Variants in PSMD14 observed in about 807,000 individuals in gnomAD.
The protein encoded by PSMD14 is proteasome 26S subunit, non-ATPase 14, also known as ubiquitin C-terminal hydrolase PSMD14.
PSMD14 carries 7 observed loss-of-function variants against 41.2 expected under a neutral mutation model. The observed-to-expected ratio is 0.17, with a 90% CI of 0.10 to 0.32. The LOEUF is 0.32. Ranked by LOEUF, PSMD14 falls within the 10% of genes least tolerant of loss-of-function variation. The pLI, the probability that PSMD14 is intolerant of heterozygous loss-of-function variation, is 1.00. For synonymous variants in PSMD14, 114 were observed against 122.3 expected, an observed-to-expected ratio of 0.93 and a Z score of 0.45; for missense variants, 139 against 375.6, an observed-to-expected ratio of 0.37 and a Z score of 5.21.
chr2:161,406,174 T>G (rs1683944844), intron 10 of PSMD14, among the ~76,000 whole-genome samples: 1 of 152,034 alleles, frequency 6.6e-6, no homozygotes, highest in African/African-American at 2.4e-5. Flanking sequence ...GAGAATGAGG[T>G]TAATGGGTTT....
chr2:161,367,992 TTTTCTC>T, intron 5 of PSMD14, 89 bp downstream of exon 5: 1 of 1,382,340 alleles, frequency 7.2e-7, no homozygotes, highest in Non-Finnish European at 9.6e-7. Flanking sequence ...TCATATTACA[TTTTCTC>T]TTTCCAGTAG....
chr2:161,370,664 A>G (rs1683419124), intron 6 of PSMD14, among the ~76,000 whole-genome samples: 1 of 152,158 alleles, frequency 6.6e-6, no homozygotes, highest in Non-Finnish European at 1.5e-5. Context: ...TGTGGAAACA[A>G]CTTCAAAATT....
rs1456800979 is a variant in PSMD14 at position 161,384,703 on chromosome 2, A to G, written c.463-761A>G. 3 of 151,840 alleles carry G rather than the reference A, an allele frequency of 2.0e-5. No homozygotes were observed. The East Asian group carries it at 5.8e-4, about 29-fold the overall frequency. 9.4% of individuals were successfully genotyped at this position (151,840 alleles called of 1,614,324 possible). A position where few individuals can be genotyped will look rare whatever the true frequency, so the allele number is the denominator to read the frequency against. ...TTTAGCAAGTATGTGATTCTTGTTAATCTCTTTATATGTAAGAGCTAACAG... is the reference window on the plus strand; with the variant it reads ...TTTAGCAAGTATGTGATTCTTGTTAGTCTCTTTATATGTAAGAGCTAACAG... On this transcript the variant is annotated intron_variant, in intron 7 of 11. Coordinates refer to ENST00000409682, the MANE Select transcript of PSMD14 (RefSeq NM_005805.6).
intron 9 of PSMD14, among the ~76,000 whole-genome samples, chr2:161,391,707 A>G (rs961417394): frequency 2.0e-5 from 3 of 151,958 alleles, no homozygotes; most frequent in Admixed American, 6.6e-5. Context: ...TCCTCACTCT[A>G]CAGCCTCCCG....
intron 3 of PSMD14, among the ~76,000 whole-genome samples, chr2:161,343,487 C>T (rs1682996468): frequency 1.3e-5 from 2 of 152,138 alleles, no homozygotes; most frequent in South Asian, 4.1e-4. Context: ...GTTGATTTCA[C>T]CTTTTGGCTA....
intron 3 of PSMD14, among the ~76,000 whole-genome samples, chr2:161,323,025 A>G (rs913377211): frequency 6.6e-6 from 1 of 152,156 alleles, no homozygotes; most frequent in Non-Finnish European, 1.5e-5. Flanking sequence ...CCTGTATCCA[A>G]AAACCAAAAC....
chr2:161,335,452 T>C (rs1268779772), intron 3 of PSMD14, among the ~76,000 whole-genome samples: 1 of 152,244 alleles, frequency 6.6e-6, no homozygotes, highest in Non-Finnish European at 1.5e-5. Flanking sequence ...TTAAATTACA[T>C]AGCTGCATGT....
chr2:161,335,373 C>G (rs552397650), intron 3 of PSMD14, among the ~76,000 whole-genome samples: 4 of 152,270 alleles, frequency 2.6e-5, no homozygotes, highest in East Asian at 3.9e-4. Context: ...ATAGTGCTAC[C>G]GAGTCCTTGA....
intron 8 of PSMD14, 38 bp downstream of exon 8, chr2:161,385,609 A>G (rs779480643): frequency 3.6e-5 from 48 of 1,316,778 alleles, no homozygotes; most frequent in Non-Finnish European, 4.8e-5. Flanking sequence ...AAACTCTTTT[A>G]AATTTTAAAA....
chr2:161,338,414 A>T (rs1034177289), intron 3 of PSMD14, among the ~76,000 whole-genome samples: 3 of 147,262 alleles, frequency 2.0e-5, no homozygotes, highest in African/African-American at 7.5e-5. Context: ...AATGAGTACT[A>T]TTTTTGCCAT....
intron 10 of PSMD14, among the ~76,000 whole-genome samples, chr2:161,397,942 A>G (rs1301534060): frequency 6.6e-6 from 1 of 152,200 alleles, no homozygotes; most frequent in Non-Finnish European, 1.5e-5. Flanking sequence ...TAAAAAAGTT[A>G]TGACTTAAGT....
intron 7 of PSMD14, among the ~76,000 whole-genome samples, chr2:161,376,708 T>C (rs1574135321): frequency 6.6e-6 from 1 of 152,122 alleles, no homozygotes; most frequent in East Asian, 1.9e-4. Flanking sequence ...TATGAGGTGA[T>C]TAATGTATTG....
At chr2:161,367,643 C>T (rs1683377004) in intron 4 of PSMD14, 94 bp downstream of exon 4, 1 of 1,409,178 alleles carries the variant, frequency 7.1e-7, no homozygotes, top group Non-Finnish European at 9.7e-7. Context: ...TCCTCTCAGA[C>T]ATAAATAAGC....
At chr2:161,334,464 A>G (rs1204038010) in intron 3 of PSMD14, among the ~76,000 whole-genome samples, 1 of 152,244 alleles carries the variant, frequency 6.6e-6, no homozygotes, top group Admixed American at 6.5e-5. Flanking sequence ...GATAACCTTG[A>G]TTAATCAATA....
At chr2:161,335,242 T>C (rs1407466199) in intron 3 of PSMD14, among the ~76,000 whole-genome samples, 1 of 152,220 alleles carries the variant, frequency 6.6e-6, no homozygotes, top group Non-Finnish European at 1.5e-5. Flanking sequence ...AGAGACAACC[T>C]CTGTTACCAG....
At chr2:161,328,864 G>A (rs1312259124) in intron 3 of PSMD14, among the ~76,000 whole-genome samples, 1 of 152,002 alleles carries the variant, frequency 6.6e-6, no homozygotes, top group Non-Finnish European at 1.5e-5. Context: ...TAAAACTAAA[G>A]CAAAAGAACA....
intron 10 of PSMD14, among the ~76,000 whole-genome samples, chr2:161,397,266 C>T (rs571664520): frequency 1.4e-4 from 22 of 152,208 alleles, no homozygotes; most frequent in African/African-American, 5.3e-4. Flanking sequence ...TGCTACTACC[C>T]AAACAAAAGG....
At chr2:161,395,491 G>A (rs1028269090) in intron 10 of PSMD14, among the ~76,000 whole-genome samples, 7 of 152,164 alleles carry the variant, frequency 4.6e-5, no homozygotes, top group African/African-American at 1.4e-4. Flanking sequence ...TGTAGACCAT[G>A]TAATACAGTT....
intron 10 of PSMD14, 73 bp downstream of exon 10, chr2:161,395,276 A>G (rs1683777764): frequency 3.1e-6 from 4 of 1,295,942 alleles, no homozygotes; most frequent in Admixed American, 3.1e-5. Flanking sequence ...GCATTGTGTA[A>G]GTAATTAAAA....
Sources: allele counts gnomAD v4.1 joint callset (sites outside exome capture counted in the v4.1 genomes callset), GRCh38; gene constraint gnomAD v4.1.1; transcripts MANE v1.5; gene names NCBI Gene and HGNC (gene_info 2026-07-23, HGNC 2026-07-21).